FRYL: variants seen among roughly 807,000 people sequenced by gnomAD.
FRYL encodes the protein FRY like transcription coactivator.
In FRYL, 150 loss-of-function variants were observed where a neutral mutation model predicts 351.2. The ratio of observed to expected loss-of-function variants is 0.43; its 90% CI spans 0.37 to 0.49. The LOEUF is 0.49. Ranked by LOEUF, FRYL falls within the 20% of genes least tolerant of loss-of-function variation. The pLI is 0.00. For synonymous variants in FRYL, 1,153 were observed against 1,257.1 expected, an observed-to-expected ratio of 0.92 and a Z score of 1.75; for missense variants, 3,036 against 3,619.3, an observed-to-expected ratio of 0.84 and a Z score of 4.13.
At chr4:48,516,643 C>A (rs1723679085) in intron 55 of FRYL, among the ~76,000 whole-genome samples, 1 of 152,156 alleles carries the variant, frequency 6.6e-6, no homozygotes, top group Non-Finnish European at 1.5e-5. Flanking sequence ...AGGCCTTATT[C>A]ATATGTAAAA....
At chr4:48,620,022 T>G (rs1750330068) in intron 6 of FRYL, among the ~76,000 whole-genome samples, 1 of 152,242 alleles carries the variant, frequency 6.6e-6, no homozygotes, top group South Asian at 2.1e-4. Context: ...AACAAAAGTA[T>G]TAACTTTTCA....
intron 17 of FRYL, 23 bp from the exon 18 acceptor site, chr4:48,589,900 T>G: frequency 6.3e-7 from 1 of 1,578,388 alleles, no homozygotes. Flanking sequence ...ACTTCACAGT[T>G]ATAAAATATC....
At chr4:48,604,157 A>T (rs1053719333) in intron 11 of FRYL, among the ~76,000 whole-genome samples, 2 of 152,170 alleles carry the variant, frequency 1.3e-5, no homozygotes, top group Non-Finnish European at 2.9e-5. Context: ...AGTCTTTCCT[A>T]TCATACTCAT....
chr4:48,634,372 A>G lies in FRYL; in HGVS notation c.39T>C (p.Gly13=). ...CAAAGAGGCTCTTGATGACATATTC[A>G]CCAGGTTTGACATCTGGGTCAATCG... is the stretch of plus-strand genomic sequence containing the variant. ...NITIDPDVKP[G]EYVIKSLFAE... The change falls in exon 4 of 64, where the codon GGT becomes GGC. Residue 13 remains glycine, a synonymous_variant. Coordinates refer to ENST00000358350, the MANE Select transcript of FRYL (RefSeq NM_015030.2). The G allele has an allele frequency of 6.2e-7, 1 of 1,613,528 alleles. No individual in the cohort carries two copies. Among genetic ancestry groups the G allele is most frequent in the Non-Finnish European group, 8.5e-7 (1 of 1,179,568 alleles).
intron 1 of FRYL, among the ~76,000 whole-genome samples, chr4:48,774,945 C>T (rs1440491177): frequency 6.6e-6 from 1 of 152,204 alleles, no homozygotes; most frequent in Non-Finnish European, 1.5e-5. Context: ...TGTATTACTA[C>T]TATGTCAGCA....
chr4:48,728,323 A>C (rs1770316312), intron 1 of FRYL, among the ~76,000 whole-genome samples: 1 of 152,140 alleles, frequency 6.6e-6, no homozygotes, highest in Admixed American at 6.5e-5. Context: ...AAAACTGGAA[A>C]GCAAAGAGTA....
chr4:48,547,662 G>C lies in FRYL; in HGVS notation c.4996C>G (p.Leu1666Val). ...NSNIRTVASV[L>V]LRNKEFNEPR... is the part of the protein sequence containing the mutation. The stretch of plus-strand genomic sequence containing the variant: ...TCATTAAACTCCTTGTTCCTGAGAA[G>C]GACAGAAGCAACAGTTCGGATGTTA... Residue 1666 changes from leucine to valine, a missense_variant, in exon 41 of 64, where the codon CTT becomes GTT. Leu to Val is a conservative substitution (Grantham distance 32). This residue lies in a region of FRYL where 1,987 missense variants were observed against 2,311.7 expected (regional missense o/e 0.86). Coordinates refer to ENST00000358350, the MANE Select transcript of FRYL (RefSeq NM_015030.2). 2 of 1,608,068 alleles carry C rather than the reference G, an allele frequency of 1.2e-6. No individual in the cohort carries two copies. Among genetic ancestry groups the C allele is most frequent in the Non-Finnish European group, 1.7e-6 (2 of 1,175,826 alleles).
intron 3 of FRYL, among the ~76,000 whole-genome samples, chr4:48,676,999 G>T (rs1329555183): frequency 6.6e-6 from 1 of 152,170 alleles, no homozygotes; most frequent in Admixed American, 6.5e-5. Context: ...AGCCTGTTAG[G>T]AGCAGAAATG....
intron 33 of FRYL, among the ~76,000 whole-genome samples, chr4:48,559,782 G>A (rs17656094): frequency 0.41 from 61,979 of 150,950 alleles, 14,013 homozygotes; most frequent in Admixed American, 0.56. Flanking sequence ...AAAAGAGACA[G>A]AAAAGGAATA....
At chr4:48,631,599 G>C (rs1320432579) in intron 4 of FRYL, among the ~76,000 whole-genome samples, 1 of 151,950 alleles carries the variant, frequency 6.6e-6, no homozygotes, top group African/African-American at 2.4e-5. Flanking sequence ...GAGAGACCTG[G>C]TTCCTGGTAT....
At chr4:48,566,892 T>C (rs1736924635) in intron 28 of FRYL, among the ~76,000 whole-genome samples, 1 of 152,196 alleles carries the variant, frequency 6.6e-6, no homozygotes, top group African/African-American at 2.4e-5. Flanking sequence ...CTATACTCTT[T>C]TCCCATTATT....
rs151313450 is a variant in FRYL, at chr4:48,675,108, C to T, written c.-81+9565G>A. Among the ~76,000 whole-genome samples the T allele has an allele frequency of 3.1e-3, 469 of 152,272 alleles. 1 individual carries two copies. Among genetic ancestry groups the T allele is most frequent in the African/African-American group, 0.011 (443 of 41,566 alleles). ...TGCAGCCCAGGCTGGAGTGCAGTGG[C>T]GCAATCTCGGCTCACTGCAAGCTGC... On this transcript the variant is annotated intron_variant, in intron 3 of 63. Coordinates refer to ENST00000358350, the MANE Select transcript of FRYL (RefSeq NM_015030.2).
chr4:48,560,463 C>T (rs1330367737), intron 33 of FRYL, among the ~76,000 whole-genome samples: 1 of 152,124 alleles, frequency 6.6e-6, no homozygotes. Context: ...GGGGTGTGGG[C>T]ATGGTGGACA....
chr4:48,756,552 CT>C (rs1197160994), intron 1 of FRYL, among the ~76,000 whole-genome samples: 1 of 152,104 alleles, frequency 6.6e-6, no homozygotes, highest in Non-Finnish European at 1.5e-5. Flanking sequence ...GAAGTGACCC[CT>C]CTCATACTAT....
chr4:48,516,431 T>C (rs1470671856), intron 55 of FRYL, among the ~76,000 whole-genome samples: 1 of 152,218 alleles, frequency 6.6e-6, no homozygotes, highest in Non-Finnish European at 1.5e-5. Flanking sequence ...AGTTTTTAGT[T>C]TATTGGTTTA....
intron 50 of FRYL, among the ~76,000 whole-genome samples, chr4:48,530,700 C>G (rs761531707): frequency 1.3e-5 from 2 of 152,126 alleles, no homozygotes; most frequent in African/African-American, 2.4e-5. Context: ...CGCTTACAAG[C>G]CTTCATTCAC....
intron 19 of FRYL, 66 bp downstream of exon 19, chr4:48,586,555 G>A (rs530280964): frequency 9.1e-5 from 91 of 1,005,324 alleles, no homozygotes; most frequent in Non-Finnish European, 1.1e-4. Context: ...CAGTAACAAA[G>A]GTATATTAGA....
intron 25 of FRYL, chr4:48,574,514 G>A (rs1336907383): frequency 1.3e-5 from 2 of 152,024 alleles, no homozygotes; most frequent in Admixed American, 1.3e-4. Context: ...AATCTGAAGC[G>A]AAACCAGAGT....
At chr4:48,650,487 C>T (rs1219657680) in intron 3 of FRYL, among the ~76,000 whole-genome samples, 1 of 152,162 alleles carries the variant, frequency 6.6e-6, no homozygotes, top group Non-Finnish European at 1.5e-5. Flanking sequence ...ACAGATGAAG[C>T]ATTAACTATG....
Sources: gnomAD v4.1 joint callset for allele counts (sites outside exome capture counted in the v4.1 genomes callset) on GRCh38, gnomAD v4.1.1 for gene constraint, gnomAD v4.1.1 regional missense constraint, MANE v1.5 for transcripts, NCBI Gene and HGNC (gene_info 2026-07-23, HGNC 2026-07-21) for gene names.